The following KCNQ5 variants were observed in gnomAD, a reference collection of about 807,000 sequenced individuals.
KCNQ5 encodes potassium voltage-gated channel subfamily KQT member 5.
KCNQ5 carries 30 observed loss-of-function variants against 98.2 expected under a neutral mutation model. The observed-to-expected ratio is 0.31, with a 90% CI of 0.23 to 0.41. The LOEUF (loss-of-function observed/expected upper bound fraction) is 0.41. Ranked by LOEUF, KCNQ5 falls within the 10% of genes least tolerant of loss-of-function variation. KCNQ5 has a pLI of 1.00. For missense variants in KCNQ5, 835 were observed against 1,182.5 expected (o/e 0.71, Z 4.31); for synonymous variants, 458 against 449.4 (o/e 1.02, Z -0.24).
intron 1 of KCNQ5, among the ~76,000 whole-genome samples, chr6:72,831,407 G>C (rs535216008): frequency 6.6e-6 from 1 of 151,994 alleles, no homozygotes; most frequent in Non-Finnish European, 1.5e-5. Context: ...CCATAAAAAA[G>C]GATGAGTTCA....
At chr6:73,053,475 T>C (rs564071804) in intron 3 of KCNQ5, among the ~76,000 whole-genome samples, 1 of 152,042 alleles carries the variant, frequency 6.6e-6, no homozygotes, top group East Asian at 1.9e-4. Context: ...GCCCATAATC[T>C]AAAATTGACT....
At chr6:72,755,313 A>G (rs571661926) in intron 1 of KCNQ5, among the ~76,000 whole-genome samples, 2 of 152,130 alleles carry the variant, frequency 1.3e-5, no homozygotes, top group South Asian at 2.1e-4. Context: ...ATTTCTGTCT[A>G]TTGATATTTT....
At chr6:73,167,070 G>A (rs989852352) in intron 10 of KCNQ5, among the ~76,000 whole-genome samples, 1 of 152,134 alleles carries the variant, frequency 6.6e-6, no homozygotes, top group Admixed American at 6.5e-5. Context: ...AATAAAATCA[G>A]AGAAACCATG....
chr6:72,960,493 G>A (rs901133162), intron 1 of KCNQ5, among the ~76,000 whole-genome samples: 3 of 152,072 alleles, frequency 2.0e-5, no homozygotes, highest in Non-Finnish European at 4.4e-5. Context: ...GCAATGGGGC[G>A]ATCTCGGCTC....
intron 1 of KCNQ5, among the ~76,000 whole-genome samples, chr6:72,868,216 T>G (rs1778070948): frequency 6.6e-6 from 1 of 152,168 alleles, no homozygotes; most frequent in Non-Finnish European, 1.5e-5. Context: ...CAGAGTTTCT[T>G]TTAAAAAAAT....
At chr6:72,700,210 G>A (rs1332136877) in intron 1 of KCNQ5, among the ~76,000 whole-genome samples, 1 of 152,100 alleles carries the variant, frequency 6.6e-6, no homozygotes, top group Non-Finnish European at 1.5e-5. Context: ...ACAAAGCTGG[G>A]ATACAAATTC....
At chr6:72,966,951 G>C (rs1368213551) in intron 1 of KCNQ5, among the ~76,000 whole-genome samples, 1 of 152,176 alleles carries the variant, frequency 6.6e-6, no homozygotes, top group Non-Finnish European at 1.5e-5. Context: ...AATGTGGACT[G>C]AGTTTTTAAA....
At chr6:73,042,213 C>A in intron 3 of KCNQ5, 151 bp downstream of exon 3, 1 of 841,276 alleles carries the variant, frequency 1.2e-6, no homozygotes, top group Non-Finnish European at 2.0e-6. Flanking sequence ...AATGTTGACT[C>A]ATTTGATGTT....
At chr6:72,874,160 G>A (rs893686951) in intron 1 of KCNQ5, among the ~76,000 whole-genome samples, 18 of 151,916 alleles carry the variant, frequency 1.2e-4, no homozygotes, top group Admixed American at 3.3e-4. Flanking sequence ...AAACCTGAAA[G>A]GACAAATATT....
chr6:73,043,416 G>A (rs558532848), intron 3 of KCNQ5, among the ~76,000 whole-genome samples: 1 of 152,310 alleles, frequency 6.6e-6, no homozygotes, highest in Non-Finnish European at 1.5e-5. Flanking sequence ...AAGCCATCAT[G>A]CTAAGGTATG....
In KCNQ5 at chr6:73,194,712, C is replaced by T; in HGVS notation, c.2097C>T (p.Ala699=). Residue 699 remains alanine, a synonymous_variant, in exon 14 of 14, where the codon GCC becomes GCT. Coordinates refer to ENST00000370398, the MANE Select transcript of KCNQ5 (RefSeq NM_019842.4). ...QFILTPNEFS[A]QTFYALSPTM... is the part of the protein sequence containing the mutation. ...TTCTGACGCCAAATGAGTTCAGTGC[C>T]CAGACTTTCTACGCGCTTAGCCCTA... is the stretch of plus-strand genomic sequence containing the variant. The T allele has an allele frequency of 6.2e-7, 1 of 1,614,226 alleles. No individual in the cohort carries two copies.
At chr6:72,640,374 A>G (rs1582027169) in intron 1 of KCNQ5, among the ~76,000 whole-genome samples, 1 of 152,122 alleles carries the variant, frequency 6.6e-6, no homozygotes, top group Non-Finnish European at 1.5e-5. Context: ...GTAACCATAT[A>G]TAGTCTATAG....
intron 1 of KCNQ5, among the ~76,000 whole-genome samples, chr6:72,814,015 A>T (rs1775378121): frequency 6.6e-6 from 1 of 152,048 alleles, no homozygotes; most frequent in African/African-American, 2.4e-5. Context: ...TGTCACTGTC[A>T]CCCAGAGCCT....
At chr6:73,143,593 C>G (rs902187455) in intron 10 of KCNQ5, 4 of 152,192 alleles carry the variant, frequency 2.6e-5, no homozygotes, top group Non-Finnish European at 5.9e-5. Flanking sequence ...TGTGTGTGCT[C>G]CATAGCGGCT....
chr6:72,957,275 A>G (rs1273872081), intron 1 of KCNQ5, among the ~76,000 whole-genome samples: 1 of 151,644 alleles, frequency 6.6e-6, no homozygotes, highest in East Asian at 1.9e-4. Flanking sequence ...GGTTTAAGCA[A>G]TTATCCAGCC....
At chr6:72,646,412 T>G (rs565933474) in intron 1 of KCNQ5, among the ~76,000 whole-genome samples, 28 of 152,264 alleles carry the variant, frequency 1.8e-4, no homozygotes, top group African/African-American at 6.0e-4. Context: ...ATACTAAAAT[T>G]TCTTATATGT....
At chr6:73,013,435 G>C (rs1770174037) in intron 2 of KCNQ5, among the ~76,000 whole-genome samples, 1 of 152,116 alleles carries the variant, frequency 6.6e-6, no homozygotes, top group Non-Finnish European at 1.5e-5. Flanking sequence ...GAACGTGTAT[G>C]AAACTGTGTG....
intron 10 of KCNQ5, among the ~76,000 whole-genome samples, chr6:73,162,147 G>A (rs552087392): frequency 6.6e-5 from 10 of 150,500 alleles, no homozygotes; most frequent in African/African-American, 2.0e-4. Context: ...GGCTAGTCTC[G>A]AACTCCTGAT....
At chr6:73,034,004 T>C (rs1771278699) in intron 2 of KCNQ5, among the ~76,000 whole-genome samples, 1 of 152,230 alleles carries the variant, frequency 6.6e-6, no homozygotes, top group Middle Eastern at 3.2e-3. Context: ...TTAGGATATT[T>C]TTCTGCTCTC....
Sources: allele counts gnomAD v4.1 joint callset (sites outside exome capture counted in the v4.1 genomes callset), GRCh38; gene constraint gnomAD v4.1.1; transcripts MANE v1.5; gene names NCBI Gene and HGNC (gene_info 2026-07-23, HGNC 2026-07-21).